BICC1: variants seen among roughly 807,000 people sequenced by gnomAD.
BICC1 encodes the protein protein bicaudal C homolog 1.
In BICC1, 43 loss-of-function variants were observed where a neutral mutation model predicts 111.0. That is an observed-to-expected ratio of 0.39 (90% CI 0.30 to 0.50). BICC1 has a LOEUF of 0.50. Among genes scored for constraint, BICC1 ranks in the 20% least tolerant of loss-of-function variants. BICC1 has a pLI of 0.88. For missense variants in BICC1, 1,091 were observed against 1,203.2 expected, an observed-to-expected ratio of 0.91 and a Z score of 1.38; for synonymous variants, 467 against 434.4, an observed-to-expected ratio of 1.07 and a Z score of -0.93.
chr10:58,599,742 G>T (rs1844963137), intron 1 of BICC1, among the ~76,000 whole-genome samples: 1 of 152,128 alleles, frequency 6.6e-6, no homozygotes, highest in Non-Finnish European at 1.5e-5. Context: ...TACCAGATCA[G>T]TGTGGATTAC....
intron 1 of BICC1, among the ~76,000 whole-genome samples, chr10:58,580,784 T>C (rs1844259397): frequency 6.6e-6 from 1 of 152,160 alleles, no homozygotes; most frequent in African/African-American, 2.4e-5. Flanking sequence ...TTTGAAAACC[T>C]CAGTTACCAA....
chr10:58,737,165 A>G (rs1472806586), intron 3 of BICC1, among the ~76,000 whole-genome samples: 2 of 152,062 alleles, frequency 1.3e-5, no homozygotes, highest in Admixed American at 1.3e-4. Context: ...TTACATATAT[A>G]TACACATGTG....
At chr10:58,742,028 A>G (rs1044266555) in intron 3 of BICC1, among the ~76,000 whole-genome samples, 2 of 152,228 alleles carry the variant, frequency 1.3e-5, no homozygotes, top group African/African-American at 4.8e-5. Flanking sequence ...AATGAAAGGT[A>G]TACTTTTGGA....
At chr10:58,773,378 A>G (rs887164719) in intron 3 of BICC1, among the ~76,000 whole-genome samples, 1 of 152,212 alleles carries the variant, frequency 6.6e-6, no homozygotes, top group African/African-American at 2.4e-5. Context: ...CTCTGGCAGA[A>G]AACAGAGTTA....
rs143977804 is a variant in BICC1, at chr10:58,570,311, C to T, written c.191-50544C>T. Among the ~76,000 whole-genome samples, 317 of 152,292 alleles carry T rather than the reference C, an allele frequency of 2.1e-3. 2 individuals carry two copies. Among genetic ancestry groups the T allele is most frequent in the Middle Eastern group, 3.4e-3 (1 of 294 alleles). On this transcript the variant is annotated intron_variant, in intron 1 of 20. Coordinates refer to ENST00000373886, the MANE Select transcript of BICC1 (RefSeq NM_001080512.3). ...AGAAATTATCTTTGGCTAAGGTTAT[C>T]TCCTATTTTGCCCTGTAACATTGAA...
At chr10:58,823,777 T>C (rs977879362) in intron 20 of BICC1, 11 of 985,234 alleles carry the variant, frequency 1.1e-5, no homozygotes, top group African/African-American at 3.5e-5. Flanking sequence ...TTGAAGATGA[T>C]AAAACTTTTC....
chr10:58,803,079 G>A lies in BICC1; in HGVS notation c.2018G>A (p.Ser673Asn), dbSNP rs753663876. Residue 673 changes from serine (S) to asparagine (N), a missense_variant and splice_region_variant, in exon 15 of 21, where the codon AGC (serine) becomes AAC (asparagine). Physicochemically the swap from Ser to Asn is conservative, Grantham distance 46. Coordinates refer to ENST00000373886, the MANE Select transcript of BICC1 (RefSeq NM_001080512.3). Reference sequence around the variant, plus strand: ...AATTCCACACTCTTATTTCACAGCAGCACTGACAGGTTGCTCTCAGACCCT... The same window carrying A: ...AATTCCACACTCTTATTTCACAGCAACACTGACAGGTTGCTCTCAGACCCT... ...LQGTKNSHLH[S>N]TDRLLSDPEL... The A allele has an allele frequency of 4.4e-6, 7 of 1,594,710 alleles. No individual in the cohort carries two copies. The Admixed American group carries it at 7.0e-5, about 16-fold the overall frequency.
chr10:58,787,190 T>A, intron 5 of BICC1, 109 bp downstream of exon 5: 1 of 987,428 alleles, frequency 1.0e-6, no homozygotes, highest in Non-Finnish European at 1.5e-6. Flanking sequence ...AAAAATCACA[T>A]AGATGACATA....
intron 19 of BICC1, among the ~76,000 whole-genome samples, chr10:58,818,681 A>G (rs766651217): frequency 7.3e-5 from 11 of 151,724 alleles, no homozygotes; most frequent in Non-Finnish European, 1.5e-4. Context: ...ATTTCAGGGT[A>G]TTGATTTTTT....
intron 1 of BICC1, among the ~76,000 whole-genome samples, chr10:58,536,752 T>C (rs1842835590): frequency 6.6e-6 from 1 of 151,336 alleles, no homozygotes; most frequent in African/African-American, 2.4e-5. Flanking sequence ...CAAAAATCAA[T>C]GAAACAAAAG....
intron 3 of BICC1, among the ~76,000 whole-genome samples, chr10:58,740,319 G>A (rs1304428797): frequency 2.0e-5 from 3 of 152,136 alleles, no homozygotes; most frequent in Admixed American, 6.6e-5. Flanking sequence ...AAGAAAAGAC[G>A]ATTATAATTT....
chr10:58,694,566 G>A (rs966968121), intron 2 of BICC1, among the ~76,000 whole-genome samples: 3 of 152,182 alleles, frequency 2.0e-5, no homozygotes, highest in Non-Finnish European at 4.4e-5. Flanking sequence ...TTTGTAAAGC[G>A]TGGACTATCT....
chr10:58,714,325 A>G (rs1209353873), intron 3 of BICC1, among the ~76,000 whole-genome samples: 1 of 152,240 alleles, frequency 6.6e-6, no homozygotes, highest in Non-Finnish European at 1.5e-5. Context: ...GAAGGGAGAA[A>G]ATACCTATGT....
At chr10:58,690,071 C>T (rs36082197) in intron 2 of BICC1, among the ~76,000 whole-genome samples, 39,389 of 151,982 alleles carry the variant, frequency 0.26, 6,605 homozygotes, top group African/African-American at 0.48. Context: ...GGAATATATA[C>T]AGCATTAAAA....
In BICC1 at chr10:58,814,325, G is replaced by A. The variant is rs984354340; in HGVS notation, c.2533+339G>A. Reference sequence around the variant, plus strand: ...CATTTATGAAGTGTCCATGTGTCAAGTATTCTGTTATGCTCTGCCTTATTG... The same window carrying A: ...CATTTATGAAGTGTCCATGTGTCAAATATTCTGTTATGCTCTGCCTTATTG... On this transcript the variant is annotated intron_variant, in intron 18 of 20. Coordinates refer to ENST00000373886, the MANE Select transcript of BICC1 (RefSeq NM_001080512.3). 1.4e-5 allele frequency: 8 copies of A among 583,810 alleles called. No individual in the cohort carries two copies. The African/African-American group carries it at 1.5e-4, about 11-fold the overall frequency. 36.2% of individuals were successfully genotyped at this position (583,810 alleles called of 1,614,324 possible). A position where few individuals can be genotyped will look rare whatever the true frequency, so the allele number is the denominator to read the frequency against.
intron 1 of BICC1, among the ~76,000 whole-genome samples, chr10:58,566,361 C>T (rs1256951650): frequency 6.6e-6 from 1 of 151,958 alleles, no homozygotes; most frequent in Admixed American, 6.6e-5. Flanking sequence ...TATATATACA[C>T]ACACATATAT....
At chr10:58,732,306 G>T (rs4948313) in intron 3 of BICC1, among the ~76,000 whole-genome samples, 121,799 of 122,772 alleles carry the variant, frequency 0.99, 60,422 homozygotes, top group South Asian at 1. Context: ...AGAGGAAAGA[G>T]AGAGGAGAAG....
intron 3 of BICC1, among the ~76,000 whole-genome samples, chr10:58,774,744 C>A (rs960478808): frequency 6.6e-6 from 1 of 152,028 alleles, no homozygotes; most frequent in Non-Finnish European, 1.5e-5. Context: ...TAACTGTATC[C>A]TTCTTGGGCT....
At chr10:58,651,513 G>T (rs989342295) in intron 2 of BICC1, among the ~76,000 whole-genome samples, 2 of 152,286 alleles carry the variant, frequency 1.3e-5, no homozygotes, top group South Asian at 4.1e-4. Flanking sequence ...AAAATTTGCA[G>T]CCCAAAATAG....
Sources: allele counts gnomAD v4.1 joint callset (sites outside exome capture counted in the v4.1 genomes callset), GRCh38; gene constraint gnomAD v4.1.1; transcripts MANE v1.5; gene names NCBI Gene and HGNC (gene_info 2026-07-23, HGNC 2026-07-21).